Variants in GABRB2 observed in about 807,000 individuals in gnomAD.
GABRB2 encodes gamma-aminobutyric acid type A receptor subunit beta2, also known as gamma-aminobutyric acid receptor subunit beta-2.
A neutral mutation model predicts 54.7 loss-of-function variants in GABRB2; 16 were observed. The observed-to-expected ratio is 0.29, with a 90% CI of 0.20 to 0.44. The LOEUF (loss-of-function observed/expected upper bound fraction) is 0.44. GABRB2 is among the 20% of genes least tolerant of loss of function. The pLI, the probability that GABRB2 is intolerant of heterozygous loss-of-function variation, is 1.00. For synonymous variants in GABRB2, 244 were observed against 233.8 expected (o/e 1.04, Z -0.40); for missense variants, 355 against 644.0 (o/e 0.55, Z 4.86).
At chr5:161,443,386 G>A (rs948339304) in intron 4 of GABRB2, among the ~76,000 whole-genome samples, 1 of 152,130 alleles carries the variant, frequency 6.6e-6, no homozygotes, top group African/African-American at 2.4e-5. Context: ...ACAAACAGAA[G>A]TCCGAACAGG....
At chr5:161,466,210 C>T (rs1758272340) in intron 3 of GABRB2, among the ~76,000 whole-genome samples, 1 of 152,018 alleles carries the variant, frequency 6.6e-6, no homozygotes, top group African/African-American at 2.4e-5. Context: ...ATAAAGTGTA[C>T]ATATAAAGTG....
intron 3 of GABRB2, among the ~76,000 whole-genome samples, chr5:161,517,753 A>G (rs1759990858): frequency 6.6e-6 from 1 of 152,098 alleles, no homozygotes; most frequent in Non-Finnish European, 1.5e-5. Context: ...AACACATCTT[A>G]TCTAAATTCT....
intron 4 of GABRB2, among the ~76,000 whole-genome samples, chr5:161,432,370 A>T (rs1757195065): frequency 6.6e-6 from 1 of 152,198 alleles, no homozygotes; most frequent in Non-Finnish European, 1.5e-5. Context: ...CGGCTAGCAC[A>T]ATTTATACTG....
intron 2 of GABRB2, 36 bp downstream of exon 2, chr5:161,546,286 C>T (rs765609722): frequency 8.4e-6 from 13 of 1,553,664 alleles, no homozygotes; most frequent in Admixed American, 3.3e-5. Flanking sequence ...ACAGCTTCGG[C>T]TGTGGCTGGA....
At chr5:161,501,965 A>G (rs1444262880) in intron 3 of GABRB2, among the ~76,000 whole-genome samples, 1 of 148,616 alleles carries the variant, frequency 6.7e-6, no homozygotes, top group Non-Finnish European at 1.5e-5. Context: ...TAAATATAAT[A>G]TAAATTACTT....
intron 4 of GABRB2, among the ~76,000 whole-genome samples, chr5:161,421,451 T>C (rs976782506): frequency 3.9e-5 from 6 of 152,192 alleles, no homozygotes; most frequent in African/African-American, 1.4e-4. Flanking sequence ...GGAAAAAATA[T>C]GTGCAATTAC....
rs1757300409 is a variant in GABRB2 at position 161,293,831 on chromosome 5, A to G, written c.*250T>C. 1 of 484,480 alleles carries G rather than the reference A, an allele frequency of 2.1e-6. No individual in the cohort carries two copies. The highest frequency in any genetic ancestry group is 1.9e-5 in the African/African-American group (1 of 51,766). 30.0% of individuals were successfully genotyped at this position (484,480 alleles called of 1,614,324 possible). A position where few individuals can be genotyped will look rare whatever the true frequency, so the allele number is the denominator to read the frequency against. ...GCATACTAAACAGACAACATGGAGC[A>G]CTCAGGCTGTCTAGCCACCATGTGT... On this transcript the variant is annotated 3_prime_UTR_variant, in exon 10 of 10. Coordinates refer to ENST00000393959, the MANE Select transcript of GABRB2 (RefSeq NM_001371727.1).
intron 3 of GABRB2, among the ~76,000 whole-genome samples, chr5:161,468,910 A>G (rs1201089110): frequency 1.3e-5 from 2 of 151,976 alleles, no homozygotes; most frequent in Non-Finnish European, 2.9e-5. Flanking sequence ...GTACAAATAT[A>G]TAATGAAACA....
chr5:161,427,927 G>A (rs1757049476), intron 4 of GABRB2, among the ~76,000 whole-genome samples: 1 of 152,072 alleles, frequency 6.6e-6, no homozygotes, highest in Admixed American at 6.6e-5. Context: ...TATTTCTAGA[G>A]CAATTATTTT....
At chr5:161,546,004 G>A (rs1760974088) in intron 2 of GABRB2, among the ~76,000 whole-genome samples, 1 of 152,200 alleles carries the variant, frequency 6.6e-6, no homozygotes, top group African/African-American at 2.4e-5. Flanking sequence ...GGTTCTCTCG[G>A]CACACCATTA....
chr5:161,503,326 C>A (rs1759505536), intron 3 of GABRB2, among the ~76,000 whole-genome samples: 1 of 151,224 alleles, frequency 6.6e-6, no homozygotes, highest in East Asian at 1.9e-4. Flanking sequence ...AAATTGGTAA[C>A]TAAAAGATCT....
Position 161,336,717 on chromosome 5 carries a change from T to G in GABRB2, c.594A>C (p.Ala198=). Residue 198 remains alanine (A), a synonymous_variant, in exon 6 of 10, where the codon GCA becomes GCC. Coordinates refer to ENST00000393959, the MANE Select transcript of GABRB2 (RefSeq NM_001371727.1). ...IEFYWRGDDN[A]VTGVTKIELP... is the part of the protein sequence containing the mutation. ...GTTCAATTTTCGTTACTCCTGTTAC[T>G]GCATTATCATCGCCACGCCAGTAAA... is the stretch of plus-strand genomic sequence containing the variant. 6.2e-7 allele frequency: 1 copy of G among 1,613,198 alleles called. No homozygotes were observed.
Position 161,509,825 on chromosome 5 carries a change from G to A in GABRB2, c.237+35402C>T, listed in dbSNP as rs1759712257. On this transcript the variant is annotated intron_variant, in intron 3 of 9. Transcript: ENST00000393959. ...CTTAGGAAAGGCCACTATCATCTCT[G>A]CTTTGCCTCTTGAAATAGTTCCTTA... is the stretch of plus-strand genomic sequence containing the variant. Among the ~76,000 whole-genome samples the A allele has an allele frequency of 2.6e-5, 4 of 151,966 alleles. No homozygotes were observed. The South Asian group carries it at 8.3e-4, about 32-fold the overall frequency.
chr5:161,341,809 A>G (rs1046739776), intron 5 of GABRB2, among the ~76,000 whole-genome samples: 1 of 150,422 alleles, frequency 6.6e-6, no homozygotes, highest in African/African-American at 2.4e-5. Flanking sequence ...GTTATCTACT[A>G]AGTCAATATT....
chr5:161,373,887 CGTT>C (rs35274355), intron 5 of GABRB2, among the ~76,000 whole-genome samples: 7,037 of 152,044 alleles, frequency 0.046, 182 homozygotes, highest in Middle Eastern at 0.095. Flanking sequence ...ATCTCCTTCA[CGTT>C]GTTGTCTCCA....
At chr5:161,472,118 C>A (rs550036824) in intron 3 of GABRB2, among the ~76,000 whole-genome samples, 32 of 151,870 alleles carry the variant, frequency 2.1e-4, no homozygotes, top group African/African-American at 7.0e-4. Context: ...AGTAGAATGC[C>A]TGGCTCAGAT....
intron 5 of GABRB2, among the ~76,000 whole-genome samples, chr5:161,397,792 T>C (rs1386874051): frequency 2.6e-5 from 4 of 152,188 alleles, no homozygotes; most frequent in Admixed American, 6.5e-5. Flanking sequence ...ATTTTAAATG[T>C]AGTTGTAGCT....
chr5:161,501,226 G>A (rs920616994), intron 3 of GABRB2, among the ~76,000 whole-genome samples: 1 of 151,984 alleles, frequency 6.6e-6, no homozygotes, highest in Non-Finnish European at 1.5e-5. Flanking sequence ...CTACGCGCAT[G>A]TATGAGATTT....
At chr5:161,463,555 T>TAGATATACA (rs1236064276) in intron 3 of GABRB2, among the ~76,000 whole-genome samples, 14 of 23,700 alleles carry the variant, frequency 5.9e-4, no homozygotes, top group African/African-American at 2.5e-3. Context: ...ATATTTTTAT[T>TAGATATACA]TATATATATA....
Sources: gnomAD v4.1 joint callset for allele counts (sites outside exome capture counted in the v4.1 genomes callset) on GRCh38, gnomAD v4.1.1 for gene constraint, MANE v1.5 for transcripts, NCBI Gene and HGNC (gene_info 2026-07-23, HGNC 2026-07-21) for gene names.